TUSC3: variants seen among roughly 807,000 people sequenced by gnomAD.
TUSC3 encodes tumor suppressor candidate 3.
A neutral mutation model predicts 44.8 loss-of-function variants in TUSC3; 45 were observed. The observed-to-expected ratio is 1.00, with a 90% confidence interval of 0.79 to 1.29. TUSC3 has a LOEUF of 1.29. Ranked by LOEUF, TUSC3 falls within the 50% of genes most tolerant of loss-of-function variation. The pLI, the probability that TUSC3 is intolerant of heterozygous loss-of-function variation, is 0.00. For synonymous variants in TUSC3, 212 were observed against 152.9 expected, an observed-to-expected ratio of 1.39 and a Z score of -2.85; for missense variants, 519 against 437.9, an observed-to-expected ratio of 1.19 and a Z score of -1.65.
chr8:15,830,770 G>A, the TUSC3 span, among the ~76,000 whole-genome samples: 1 of 152,142 alleles, frequency 6.6e-6, no homozygotes, highest in Non-Finnish European at 1.5e-5. Context: ...GAGGAAGGTG[G>A]AAGGGGGATC....
intron 6 of TUSC3, among the ~76,000 whole-genome samples, chr8:15,696,062 G>C (rs1396409675): frequency 3.3e-5 from 5 of 152,184 alleles, no homozygotes; most frequent in Admixed American, 6.5e-5. Flanking sequence ...CATAAGTAAT[G>C]AGGAGCTGAA....
the TUSC3 span, among the ~76,000 whole-genome samples, chr8:15,835,550 C>T: frequency 6.6e-6 from 1 of 151,984 alleles, no homozygotes; most frequent in South Asian, 2.1e-4. Context: ...TTTTTCTGAG[C>T]ATTGTTTTAT....
intron 2 of TUSC3, among the ~76,000 whole-genome samples, chr8:15,518,210 G>A (rs973530669): frequency 1.1e-4 from 16 of 151,928 alleles, no homozygotes; most frequent in African/African-American, 3.9e-4. Context: ...TTTATGATTA[G>A]CTTAGTACTT....
At chr8:15,475,343 G>A (rs1042882575) in intron 1 of TUSC3, among the ~76,000 whole-genome samples, 6 of 152,104 alleles carry the variant, frequency 3.9e-5, no homozygotes, top group Admixed American at 3.9e-4. Flanking sequence ...TTTCTACACT[G>A]CATCCCTATC....
At chr8:15,703,204 A>G (rs540022279) in intron 6 of TUSC3, among the ~76,000 whole-genome samples, 1 of 152,292 alleles carries the variant, frequency 6.6e-6, no homozygotes, top group East Asian at 1.9e-4. Flanking sequence ...TAGAGAAAGT[A>G]TCAGGGGACA....
intron 9 of TUSC3, among the ~76,000 whole-genome samples, chr8:15,751,925 T>G (rs1811721891): frequency 6.6e-6 from 1 of 152,154 alleles, no homozygotes; most frequent in African/African-American, 2.4e-5. Flanking sequence ...GAGCCTGTCT[T>G]AGGGAACTAA....
chr8:15,643,433 C>G (rs1237211506), intron 2 of TUSC3, among the ~76,000 whole-genome samples: 2 of 150,288 alleles, frequency 1.3e-5, no homozygotes, highest in Non-Finnish European at 3.0e-5. Context: ...TAAGGAGAAC[C>G]AAAATTTCTT....
At chr8:15,832,066 C>T in the TUSC3 span, among the ~76,000 whole-genome samples, 118 of 152,216 alleles carry the variant, frequency 7.8e-4, 1 homozygote, top group East Asian at 3.9e-3. Context: ...CACCTACAAA[C>T]GGAAGCCCAT....
chr8:15,702,149 C>T (rs905096708), intron 6 of TUSC3, among the ~76,000 whole-genome samples: 2 of 152,006 alleles, frequency 1.3e-5, no homozygotes, highest in African/African-American at 4.8e-5. Flanking sequence ...GATGGGGCTT[C>T]CTTTTGTAGA....
At chr8:15,623,484 G>A (rs181279206) in intron 2 of TUSC3, among the ~76,000 whole-genome samples, 345 of 152,112 alleles carry the variant, frequency 2.3e-3, no homozygotes, top group South Asian at 5.4e-3. Flanking sequence ...TCATAAAACC[G>A]TTTTATCATC....
chr8:15,497,182 A>C (rs893723042), intron 2 of TUSC3, among the ~76,000 whole-genome samples: 1 of 152,156 alleles, frequency 6.6e-6, no homozygotes, highest in Non-Finnish European at 1.5e-5. Context: ...AGCATCTCTG[A>C]GAAGTTTAAG....
the TUSC3 span, among the ~76,000 whole-genome samples, chr8:15,819,035 G>C: frequency 6.6e-6 from 1 of 151,958 alleles, no homozygotes. Flanking sequence ...ACCAGCCTGG[G>C]CAACAGAGTG....
intron 1 of TUSC3, 101 bp downstream of exon 1, chr8:15,540,669 G>T (rs554840620): frequency 1.4e-6 from 2 of 1,416,988 alleles, no homozygotes; most frequent in East Asian, 5.4e-5. Flanking sequence ...CCTGGTCGCC[G>T]GCGTGGGCGA....
chr8:15,666,676 T>C (rs1232268087), intron 5 of TUSC3, among the ~76,000 whole-genome samples: 1 of 151,400 alleles, frequency 6.6e-6, no homozygotes, highest in African/African-American at 2.4e-5. Context: ...AGTATATACA[T>C]ATAATCTTTA....
At chr8:15,733,923 G>C (rs544445945) in intron 7 of TUSC3, among the ~76,000 whole-genome samples, 1 of 152,220 alleles carries the variant, frequency 6.6e-6, no homozygotes, top group East Asian at 1.9e-4. Context: ...ATACACCTGT[G>C]GTTCTAGCTA....
In TUSC3 at chr8:15,551,889, TA is replaced by T. The variant is rs759155596; in HGVS notation, c.138+11323del. On this transcript the variant is annotated intron_variant, in intron 1 of 10. Transcript: ENST00000503731. ...TCATAGCATTTGTATACATAGTTCA[TA>T]ATCTTTGTTTTTGGATTTTCACAGG... Among the ~76,000 whole-genome samples, 65 of 151,916 alleles carry T rather than the reference TA, an allele frequency of 4.3e-4. 3 individuals carry two copies. Among genetic ancestry groups the T allele is most frequent in the Non-Finnish European group, 5.6e-4 (38 of 67,892 alleles).
chr8:15,824,299 A>C, the TUSC3 span, among the ~76,000 whole-genome samples: 1 of 152,190 alleles, frequency 6.6e-6, no homozygotes, highest in Non-Finnish European at 1.5e-5. Context: ...TTATACATAG[A>C]ATGCAAATAA....
At chr8:15,618,278 G>C (rs971976120) in intron 1 of TUSC3, among the ~76,000 whole-genome samples, 3 of 152,084 alleles carry the variant, frequency 2.0e-5, no homozygotes, top group African/African-American at 4.8e-5. Context: ...TACCCTACTA[G>C]AACTTTTTTT....
At chr8:15,798,968 T>C in the TUSC3 span, among the ~76,000 whole-genome samples, 156 of 152,302 alleles carry the variant, frequency 1.0e-3, no homozygotes, top group Non-Finnish European at 1.7e-3. Context: ...TATATCAACA[T>C]TGTAAATCCA....
Sources: gnomAD v4.1 joint callset for allele counts (sites outside exome capture counted in the v4.1 genomes callset) on GRCh38, gnomAD v4.1.1 for gene constraint, MANE v1.5 for transcripts, NCBI Gene and HGNC (gene_info 2026-07-23, HGNC 2026-07-21) for gene names.